Variants in HEATR5B observed in about 807,000 individuals in gnomAD.
HEATR5B encodes the protein HEAT repeat containing 5B.
Under a neutral mutation model 224.1 loss-of-function variants are expected in HEATR5B, and 156 were observed. The observed-to-expected ratio is 0.70, with a 90% CI of 0.61 to 0.80. The LOEUF is 0.80. Ranked by LOEUF, HEATR5B falls within the 30% of genes least tolerant of loss-of-function variation. The probability of loss-of-function intolerance (pLI) is 0.00; values close to 1 mark genes in which losing one functional copy is unlikely to be tolerated. For missense variants in HEATR5B, 2,323 were observed against 2,535.5 expected (o/e 0.92, Z 1.80); for synonymous variants, 1,027 against 893.0 (o/e 1.15, Z -2.68).
intron 24 of HEATR5B, 92 bp downstream of exon 24, chr2:37,027,831 C>G: frequency 7.7e-7 from 1 of 1,305,642 alleles, no homozygotes; most frequent in Non-Finnish European, 1.1e-6. Flanking sequence ...TTCTAAAGCA[C>G]GCTATATCTG....
At chr2:37,003,421 A>T in intron 31 of HEATR5B, 121 bp downstream of exon 31, 1 of 689,002 alleles carries the variant, frequency 1.5e-6, no homozygotes, top group Non-Finnish European at 2.3e-6. Flanking sequence ...GGGTGACCGA[A>T]TGAGACCCTG....
At chr2:37,071,073 A>G (rs1270489093) in intron 6 of HEATR5B, among the ~76,000 whole-genome samples, 1 of 152,210 alleles carries the variant, frequency 6.6e-6, no homozygotes, top group Admixed American at 6.5e-5. Flanking sequence ...TATGAGGATT[A>G]AATTTTGTAA....
chr2:37,019,781 CTA>C (rs1194901918), intron 26 of HEATR5B, 26 bp downstream of exon 26: 1 of 1,465,506 alleles, frequency 6.8e-7, no homozygotes, highest in Admixed American at 1.7e-5. Context: ...TAGAAGACAA[CTA>C]TACAAAGTCC....
chr2:37,037,752 T>C lies in HEATR5B; in HGVS notation c.3216+103A>G, dbSNP rs1441401818. On this transcript the variant is annotated intron_variant, in intron 21 of 35. Transcript: ENST00000233099. ...TAGGCTTGCATCAAAATACCCCAAG[T>C]ACCCCAAAAATATATATAGCTAGTA... is the stretch of plus-strand genomic sequence containing the variant. 5.5e-6 allele frequency: 4 copies of C among 723,130 alleles called. No homozygotes were observed. The Admixed American group carries it at 1.2e-4, about 22-fold the overall frequency. 44.8% of individuals were successfully genotyped at this position (723,130 alleles called of 1,614,324 possible).
chr2:36,996,134 C>G (rs1196869604), intron 33 of HEATR5B, among the ~76,000 whole-genome samples: 1 of 151,484 alleles, frequency 6.6e-6, no homozygotes, highest in Non-Finnish European at 1.5e-5. Context: ...GATCTCAGCT[C>G]ATTACAACCT....
intron 26 of HEATR5B, among the ~76,000 whole-genome samples, chr2:37,015,288 G>A (rs1401129496): frequency 2.0e-5 from 3 of 152,180 alleles, no homozygotes; most frequent in Non-Finnish European, 4.4e-5. Flanking sequence ...GCAATTGTGA[G>A]TTTCCATGGC....
At chr2:37,013,740 T>C (rs1222890336) in intron 27 of HEATR5B, 101 bp downstream of exon 27, 3 of 1,016,298 alleles carry the variant, frequency 3.0e-6, no homozygotes, top group African/African-American at 1.6e-5. Flanking sequence ...CAAGGGTTAG[T>C]TTTTAAAAAA....
chr2:37,007,653 A>G (rs1311228921), intron 28 of HEATR5B, among the ~76,000 whole-genome samples: 2 of 152,128 alleles, frequency 1.3e-5, no homozygotes, highest in African/African-American at 2.4e-5. Context: ...ACTATTATAC[A>G]TGTTCGCTCA....
At chr2:37,048,967 A>G (rs888546570) in intron 18 of HEATR5B, among the ~76,000 whole-genome samples, 1 of 152,224 alleles carries the variant, frequency 6.6e-6, no homozygotes, top group African/African-American at 2.4e-5. Flanking sequence ...TACTCTATAT[A>G]TATGATAGCT....
chr2:37,012,420 C>T (rs545466178), intron 27 of HEATR5B, among the ~76,000 whole-genome samples: 10 of 151,840 alleles, frequency 6.6e-5, no homozygotes, highest in South Asian at 2.1e-4. Flanking sequence ...ACAAGAGTCT[C>T]GCTCTTGTTG....
At chr2:37,079,481 T>G in intron 2 of HEATR5B, 150 bp from the exon 3 acceptor site, 1 of 516,704 alleles carries the variant, frequency 1.9e-6, no homozygotes, top group Non-Finnish European at 3.4e-6. Flanking sequence ...TTCAAGTTAA[T>G]GAAAAGTTCT....
At position 37,059,464 on chromosome 2, in the gene HEATR5B, A is replaced by ATTT. The variant is rs35615621; in HGVS notation, c.1850-480_1850-478dup. Among the ~76,000 whole-genome samples the ATTT allele has an allele frequency of 4.3e-3, 282 of 65,826 alleles. 30 individuals are homozygous for ATTT. The highest frequency in any genetic ancestry group is 9.8e-3 in the African/African-American group (187 of 19,152). 43.2% of individuals were successfully genotyped at this position (65,826 alleles called of 152,430 possible). On this transcript the variant is annotated intron_variant, in intron 12 of 35. Coordinates refer to ENST00000233099, the MANE Select transcript of HEATR5B (RefSeq NM_019024.3). ...TGTGTGTGTATATATATATATATAT[A>ATTT]TTTTTTTTTTTTTTTTTTTGAGAGA...
chr2:37,036,550 C>T (rs920082620), intron 21 of HEATR5B, among the ~76,000 whole-genome samples: 1 of 151,558 alleles, frequency 6.6e-6, no homozygotes, highest in Non-Finnish European at 1.5e-5. Flanking sequence ...TCACTTTTCT[C>T]GCCCAGGTTG....
At position 37,082,664 on chromosome 2, in the gene HEATR5B, C is replaced by A. The variant is rs76708627; in HGVS notation, c.126+625G>T. On this transcript the variant is annotated intron_variant, in intron 2 of 35. Transcript: ENST00000233099. Reference sequence around the variant, plus strand: ...ACCCACCCCTTTGTTTCAGCATACCCCTTCGTTTCCCATAAGGGATACTTT... The same window carrying A: ...ACCCACCCCTTTGTTTCAGCATACCACTTCGTTTCCCATAAGGGATACTTT... Among the ~76,000 whole-genome samples, 513 of 152,336 alleles carry A rather than the reference C, an allele frequency of 3.4e-3. 3 individuals carry two copies. Among genetic ancestry groups the A allele is most frequent in the African/African-American group, 0.012 (502 of 41,582 alleles).
intron 10 of HEATR5B, 114 bp from the exon 11 acceptor site, chr2:37,062,164 T>C (rs1671322098): frequency 9.4e-6 from 6 of 637,724 alleles, no homozygotes; most frequent in Non-Finnish European, 1.7e-5. Context: ...CGGTGGCTCA[T>C]GCCTGTAATC....
intron 17 of HEATR5B, among the ~76,000 whole-genome samples, chr2:37,053,297 A>C (rs1007105324): frequency 2.6e-5 from 4 of 152,258 alleles, no homozygotes; most frequent in African/African-American, 7.2e-5. Context: ...ATTGAAACAT[A>C]AACTTTAACA....
intron 3 of HEATR5B, 44 bp downstream of exon 3, chr2:37,079,076 G>GA (rs1245014757): frequency 1.6e-5 from 20 of 1,272,864 alleles, no homozygotes; most frequent in Non-Finnish European, 2.2e-5. Flanking sequence ...TTCCTTGAAA[G>GA]AAAAAATAAA....
intron 33 of HEATR5B, among the ~76,000 whole-genome samples, chr2:36,993,027 A>G (rs1027015597): frequency 6.6e-6 from 1 of 152,142 alleles, no homozygotes; most frequent in Non-Finnish European, 1.5e-5. Flanking sequence ...GTCCGGCCCC[A>G]TTTTATTTTT....
chr2:37,058,883 CT>C lies in HEATR5B; in HGVS notation c.1949+4del. The C allele has an allele frequency of 6.4e-7, 1 of 1,550,872 alleles. No individual in the cohort carries two copies. The highest frequency in any genetic ancestry group is 1.1e-5 in the South Asian group (1 of 87,706). ...GATGTGAACTTGTCTCAATCGCTTA[CT>C]TACTGTGACATCATAGTCATGGCAC... On this transcript the variant is annotated splice_donor_region_variant and intron_variant, in intron 13 of 35. Transcript: ENST00000233099.
Sources: allele counts gnomAD v4.1 joint callset (sites outside exome capture counted in the v4.1 genomes callset), GRCh38; gene constraint gnomAD v4.1.1; transcripts MANE v1.5; gene names NCBI Gene and HGNC (gene_info 2026-07-23, HGNC 2026-07-21).